USH2A: variants seen among roughly 807,000 people sequenced by gnomAD.
USH2A encodes usherin, also known as Usher syndrome 2A (autosomal recessive, mild).
In USH2A, 443 loss-of-function variants were observed where a neutral mutation model predicts 538.9. The observed-to-expected ratio is 0.82, with a 90% CI of 0.76 to 0.89. USH2A has a LOEUF of 0.89. Among genes scored for constraint, USH2A ranks in the 40% least tolerant of loss-of-function variants. The pLI, the probability that USH2A is intolerant of heterozygous loss-of-function variation, is 0.00. For missense variants in USH2A, 6,633 were observed against 6,324.8 expected, an observed-to-expected ratio of 1.05 and a Z score of -1.65; for synonymous variants, 2,413 against 2,273.5, an observed-to-expected ratio of 1.06 and a Z score of -1.75.
intron 58 of USH2A, among the ~76,000 whole-genome samples, chr1:215,758,191 CAGG>C (rs1254515558): frequency 6.6e-6 from 1 of 151,446 alleles, no homozygotes; most frequent in Admixed American, 6.6e-5. Flanking sequence ...GAGCCTGAGG[CAGG>C]AGATTTGTTT....
intron 47 of USH2A, among the ~76,000 whole-genome samples, chr1:215,833,581 A>G (rs1663391152): frequency 6.6e-6 from 1 of 152,044 alleles, no homozygotes; most frequent in South Asian, 2.1e-4. Context: ...ACATGTAAAC[A>G]TACAAATGTT....
intron 47 of USH2A, among the ~76,000 whole-genome samples, chr1:215,836,617 C>G (rs191998932): frequency 1.8e-5 from 2 of 112,078 alleles, no homozygotes; most frequent in Non-Finnish European, 3.6e-5. Flanking sequence ...AGTGCAGTGG[C>G]GTGATCTCGG....
At chr1:216,408,070 G>A (rs2039425769) in intron 3 of USH2A, among the ~76,000 whole-genome samples, 1 of 152,206 alleles carries the variant, frequency 6.6e-6, no homozygotes, top group Non-Finnish European at 1.5e-5. Context: ...GCTATTGGCT[G>A]AGAAACCACC....
rs2033586845 is a variant in USH2A, at chr1:216,140,772, G to T, written c.4627+34480C>A. Among the ~76,000 whole-genome samples the T allele has an allele frequency of 3.3e-5, 5 of 152,192 alleles. No homozygotes were observed. In the South Asian group the frequency reaches 1.0e-3, roughly 32 times the overall value. On this transcript the variant is annotated intron_variant, in intron 21 of 71. Coordinates refer to ENST00000307340, the MANE Select transcript of USH2A (RefSeq NM_206933.4). ...GTACATTTTCTCTTAAGAGAGGCAG[G>T]CAATTGCCCTAAGGTAATCAGAGGA... is the stretch of plus-strand genomic sequence containing the variant.
intron 32 of USH2A, among the ~76,000 whole-genome samples, chr1:216,011,874 C>T (rs1187649351): frequency 6.6e-6 from 1 of 151,702 alleles, no homozygotes; most frequent in Admixed American, 6.6e-5. Flanking sequence ...CCTGATACCA[C>T]ACCTGACACC....
chr1:215,679,205 C>T (rs150022936), intron 62 of USH2A, among the ~76,000 whole-genome samples: 5 of 152,316 alleles, frequency 3.3e-5, no homozygotes, highest in African/African-American at 9.6e-5. Context: ...TATTGCTGCA[C>T]GTAATTTCCT....
At chr1:215,795,121 C>CTAAA (rs1251151825) in intron 50 of USH2A, among the ~76,000 whole-genome samples, 3 of 152,162 alleles carry the variant, frequency 2.0e-5, no homozygotes, top group African/African-American at 7.2e-5. Context: ...TCCCTGAGTG[C>CTAAA]TAAATAATGT....
In USH2A at chr1:215,683,216, TAC is replaced by T. The variant is rs71167830; in HGVS notation, c.12067-2842_12067-2841del. 3.1e-3 allele frequency among the ~76,000 whole-genome samples: 459 copies of T among 149,674 alleles called. 2 individuals are homozygous for T. Among genetic ancestry groups the T allele is most frequent in the African/African-American group, 9.4e-3 (381 of 40,364 alleles). Reference sequence around the variant, plus strand: ...ACTTTGTTATTCCTGAATAGTTTTATACACACACACACACACACACACACACA... The same window carrying T: ...ACTTTGTTATTCCTGAATAGTTTTATACACACACACACACACACACACACA... On this transcript the variant is annotated intron_variant, in intron 61 of 71. Transcript: ENST00000307340.
chr1:216,294,807 T>C (rs577539158), intron 9 of USH2A, among the ~76,000 whole-genome samples: 1 of 151,984 alleles, frequency 6.6e-6, no homozygotes, highest in African/African-American at 2.4e-5. Context: ...TGTCTTTGGA[T>C]ACTAGTAATG....
intron 4 of USH2A, among the ~76,000 whole-genome samples, chr1:216,343,838 A>C (rs182707744): frequency 6.6e-6 from 1 of 152,204 alleles, no homozygotes; most frequent in East Asian, 1.9e-4. Context: ...GAAGAACCAA[A>C]GCAGTTTATT....
At chr1:215,726,635 T>C (rs1404739853) in intron 61 of USH2A, among the ~76,000 whole-genome samples, 2 of 152,200 alleles carry the variant, frequency 1.3e-5, no homozygotes, top group African/African-American at 2.4e-5. Context: ...TTTTGGTTTT[T>C]TTATAAATGC....
At chr1:216,372,036 T>C (rs1357709908) in intron 3 of USH2A, among the ~76,000 whole-genome samples, 1 of 152,228 alleles carries the variant, frequency 6.6e-6, no homozygotes, top group Non-Finnish European at 1.5e-5. Flanking sequence ...GAGGAAATTA[T>C]TCAGGGATAG....
At chr1:216,304,983 T>C (rs1435595507) in intron 9 of USH2A, among the ~76,000 whole-genome samples, 1 of 152,284 alleles carries the variant, frequency 6.6e-6, no homozygotes, top group Non-Finnish European at 1.5e-5. Context: ...GAATAATGTA[T>C]ATTCTGCAGT....
At position 216,199,185 on chromosome 1, in the gene USH2A, A is replaced by G. The variant is rs562518123; in HGVS notation, c.3811+442T>C. 3.3e-5 allele frequency among the ~76,000 whole-genome samples: 5 copies of G among 152,336 alleles called. No homozygotes were observed. In the South Asian group the frequency reaches 1.0e-3, roughly 32 times the overall value. On this transcript the variant is annotated intron_variant, in intron 17 of 71. Transcript: ENST00000307340. ...TATAACCAAGGGTTCAAATGCATGA[A>G]TGCAAAAATTAACTTAATGGAGTCA...
intron 33 of USH2A, 26 bp from the exon 34 acceptor site, chr1:215,999,084 T>C (rs1238034470): frequency 1.9e-6 from 3 of 1,589,484 alleles, no homozygotes; most frequent in Non-Finnish European, 2.6e-6. Context: ...TACATTATTA[T>C]CATTCATTCA....
intron 32 of USH2A, among the ~76,000 whole-genome samples, chr1:216,015,682 G>A (rs913951033): frequency 6.6e-6 from 1 of 152,166 alleles, no homozygotes; most frequent in African/African-American, 2.4e-5. Flanking sequence ...AGCACCTTCT[G>A]TTTTCTGACT....
intron 21 of USH2A, among the ~76,000 whole-genome samples, chr1:216,159,565 C>T (rs988840691): frequency 1.3e-5 from 2 of 151,408 alleles, no homozygotes; most frequent in East Asian, 3.9e-4. Context: ...CACACACACA[C>T]ACACACAGAG....
At chr1:215,773,576 C>T (rs1236509721) in intron 55 of USH2A, among the ~76,000 whole-genome samples, 1 of 151,276 alleles carries the variant, frequency 6.6e-6, no homozygotes, top group Non-Finnish European at 1.5e-5. Context: ...CTCCTCTCTC[C>T]TTTCTTCTAT....
At chr1:216,072,470 A>G (rs1264131710) in intron 29 of USH2A, 19 of 275,388 alleles carry the variant, frequency 6.9e-5, no homozygotes. Context: ...AACCAGTTGC[A>G]GGTTTCAAAT....
Sources: gnomAD v4.1 joint callset for allele counts (sites outside exome capture counted in the v4.1 genomes callset) on GRCh38, gnomAD v4.1.1 for gene constraint, MANE v1.5 for transcripts, NCBI Gene and HGNC (gene_info 2026-07-23, HGNC 2026-07-21) for gene names.